The following DNAH11 variants were observed in gnomAD, a reference collection of about 807,000 sequenced individuals.
The protein encoded by DNAH11 is axonemal beta dynein heavy chain 11.
In DNAH11, 442 loss-of-function variants were observed where a neutral mutation model predicts 526.0. The observed-to-expected ratio is 0.84, with a 90% confidence interval of 0.78 to 0.91. The LOEUF is 0.91. Among genes scored for constraint, DNAH11 ranks in the 40% least tolerant of loss-of-function variants. The pLI is 0.00. For synonymous variants in DNAH11, 2,461 were observed against 1,935.9 expected, an observed-to-expected ratio of 1.27 and a Z score of -7.12; for missense variants, 6,989 against 5,448.7, an observed-to-expected ratio of 1.28 and a Z score of -8.90.
At chr7:21,808,715 T>C (rs560803895) in intron 63 of DNAH11, among the ~76,000 whole-genome samples, 1 of 152,348 alleles carries the variant, frequency 6.6e-6, no homozygotes, top group East Asian at 1.9e-4. Flanking sequence ...TGACAGGATT[T>C]CATTGTTTTT....
chr7:21,771,783 G>A (rs1562536508), intron 55 of DNAH11, among the ~76,000 whole-genome samples: 1 of 152,092 alleles, frequency 6.6e-6, no homozygotes, highest in South Asian at 2.1e-4. Flanking sequence ...GAAAAATACA[G>A]CATTGCGTAG....
chr7:21,548,952 G>A (rs1326688474), intron 2 of DNAH11, among the ~76,000 whole-genome samples: 1 of 151,626 alleles, frequency 6.6e-6, no homozygotes, highest in Non-Finnish European at 1.5e-5. Context: ...CGCAATCTCA[G>A]CTCACTGCAA....
chr7:21,600,083 C>T lies in DNAH11; in HGVS notation c.2964C>T (p.Asn988=), dbSNP rs558348627. 1.9e-6 allele frequency: 3 copies of T among 1,575,780 alleles called. No individual in the cohort carries two copies. Among genetic ancestry groups the T allele is most frequent in the Admixed American group, 1.7e-5 (1 of 57,852 alleles). Residue 988 remains asparagine (N), a synonymous_variant, in exon 15 of 82, where the codon AAC becomes AAT. Coordinates refer to ENST00000409508, the MANE Select transcript of DNAH11 (RefSeq NM_001277115.2). ...CNSFRMSAQM[N]RIATHLEIKN... ...GTTTTAGAATGTCTGCCCAGATGAA[C>T]CGAATAGCAACACACCTGGAAATTA...
intron 40 of DNAH11, among the ~76,000 whole-genome samples, chr7:21,710,136 A>G (rs901378729): frequency 1.1e-4 from 16 of 152,196 alleles, no homozygotes; most frequent in Admixed American, 2.6e-4. Flanking sequence ...GCCCTTGAAA[A>G]TTGTTGTAGA....
At chr7:21,586,369 A>G (rs1190276958) in intron 9 of DNAH11, among the ~76,000 whole-genome samples, 2 of 152,240 alleles carry the variant, frequency 1.3e-5, no homozygotes, top group African/African-American at 4.8e-5. Context: ...ACTCAACAAA[A>G]CAATGACTGT....
At chr7:21,745,420 G>C (rs1047684870) in intron 51 of DNAH11, among the ~76,000 whole-genome samples, 6 of 152,164 alleles carry the variant, frequency 3.9e-5, no homozygotes, top group Admixed American at 2.0e-4. Context: ...CAGCCTTTCA[G>C]CAATTTTGTG....
At chr7:21,556,622 C>A (rs900306758) in intron 2 of DNAH11, among the ~76,000 whole-genome samples, 3 of 152,106 alleles carry the variant, frequency 2.0e-5, no homozygotes, top group Non-Finnish European at 2.9e-5. Flanking sequence ...GTTTGTTACC[C>A]AGGTAATCAG....
At chr7:21,624,437 A>G (rs557314187) in intron 25 of DNAH11, among the ~76,000 whole-genome samples, 65 of 152,248 alleles carry the variant, frequency 4.3e-4, no homozygotes, top group Non-Finnish European at 8.8e-4. Context: ...TTATTCATTT[A>G]TTAGTTCTAA....
intron 63 of DNAH11, among the ~76,000 whole-genome samples, 153 bp downstream of exon 63, chr7:21,808,202 T>G (rs1789357580): frequency 6.6e-6 from 1 of 152,212 alleles, no homozygotes; most frequent in Non-Finnish European, 1.5e-5. Flanking sequence ...GCTGCAGTTT[T>G]TCTTATTTTT....
intron 61 of DNAH11, among the ~76,000 whole-genome samples, chr7:21,794,084 C>G (rs753018864): frequency 6.6e-6 from 1 of 152,308 alleles, no homozygotes; most frequent in African/African-American, 2.4e-5. Context: ...AAACGTATTT[C>G]TCAGTTCCAG....
intron 69 of DNAH11, 114 bp from the exon 70 acceptor site, chr7:21,864,421 C>T: frequency 1.1e-6 from 1 of 950,622 alleles, no homozygotes; most frequent in South Asian, 2.2e-5. Flanking sequence ...AAGTGGAGTT[C>T]CCAGCAGGTA....
rs1459010408 is a variant in DNAH11 at position 21,774,010 on chromosome 7, G to T, written c.9336+11G>T. 6.5e-7 allele frequency: 1 copy of T among 1,541,004 alleles called. No homozygotes were observed. The highest frequency in any genetic ancestry group is 8.7e-7 in the Non-Finnish European group (1 of 1,144,262). ...ACCACAGCCTCTCAGGTATGACCAGGATGTGTTATTACTGAGTAATATTTA... is the reference window on the plus strand; with the variant it reads ...ACCACAGCCTCTCAGGTATGACCAGTATGTGTTATTACTGAGTAATATTTA... On this transcript the variant is annotated intron_variant, in intron 56 of 81. Coordinates refer to ENST00000409508, the MANE Select transcript of DNAH11 (RefSeq NM_001277115.2).
At position 21,717,645 on chromosome 7, in the gene DNAH11, A is replaced by G; in HGVS notation, c.6984-130A>G. On this transcript the variant is annotated intron_variant, in intron 42 of 81. Transcript: ENST00000409508. ...TTAAAATATTTGCAGTTTGAAAAATAGAACGAACTCACTAAACGTGTCCTT... is the reference window on the plus strand; with the variant it reads ...TTAAAATATTTGCAGTTTGAAAAATGGAACGAACTCACTAAACGTGTCCTT... 7 of 1,056,854 alleles carry G rather than the reference A, an allele frequency of 6.6e-6. No individual in the cohort carries two copies. The South Asian group carries it at 1.2e-4, about 18-fold the overall frequency. 65.5% of individuals were successfully genotyped at this position (1,056,854 alleles called of 1,614,324 possible). A position where few individuals can be genotyped will look rare whatever the true frequency, so the allele number is the denominator to read the frequency against.
chr7:21,629,970 T>G (rs1349347281), intron 25 of DNAH11, among the ~76,000 whole-genome samples: 1 of 152,176 alleles, frequency 6.6e-6, no homozygotes, highest in Non-Finnish European at 1.5e-5. Flanking sequence ...ATCTTCTGGT[T>G]GTTTTGTAAT....
chr7:21,713,130 T>C (rs1784523474), intron 42 of DNAH11, among the ~76,000 whole-genome samples: 1 of 152,238 alleles, frequency 6.6e-6, no homozygotes, highest in South Asian at 2.1e-4. Flanking sequence ...TCATCCTGGT[T>C]GTAACTTGTC....
chr7:21,885,695 C>T (rs1311601800), intron 76 of DNAH11, among the ~76,000 whole-genome samples: 1 of 152,110 alleles, frequency 6.6e-6, no homozygotes, highest in African/African-American at 2.4e-5. Flanking sequence ...ACAACATATA[C>T]ATGTATCAAA....
At chr7:21,832,690 G>A (rs573830541) in intron 65 of DNAH11, among the ~76,000 whole-genome samples, 2 of 152,308 alleles carry the variant, frequency 1.3e-5, no homozygotes, top group South Asian at 2.1e-4. Context: ...ATTGCTTTGA[G>A]AAGAGATTAC....
intron 4 of DNAH11, 133 bp downstream of exon 4, chr7:21,559,925 T>C (rs191519341): frequency 1.3e-6 from 1 of 772,294 alleles, no homozygotes; most frequent in East Asian, 2.7e-5. Context: ...TAATCCAGAG[T>C]TCTGTGTGTG....
intron 53 of DNAH11, 108 bp from the exon 54 acceptor site, chr7:21,750,113 AC>A: frequency 7.4e-7 from 1 of 1,352,762 alleles, no homozygotes; most frequent in Non-Finnish European, 9.9e-7. Context: ...TTAAACTCTT[AC>A]CATTTATGCT....
Sources: allele counts gnomAD v4.1 joint callset (sites outside exome capture counted in the v4.1 genomes callset), GRCh38; gene constraint gnomAD v4.1.1; transcripts MANE v1.5; gene names NCBI Gene and HGNC (gene_info 2026-07-23, HGNC 2026-07-21).